CXCL13: variants seen among roughly 807,000 people sequenced by gnomAD.
CXCL13 encodes the protein C-X-C motif chemokine 13.
Under a neutral mutation model 12.2 loss-of-function variants are expected in CXCL13, and 7 were observed. The ratio of observed to expected loss-of-function variants is 0.57; its 90% CI spans 0.33 to 1.07. CXCL13 has a LOEUF of 1.07. Ranked by LOEUF, CXCL13 falls within the 50% of genes least tolerant of loss-of-function variation. CXCL13 has a pLI of 0.04. For missense variants in CXCL13, 113 were observed against 127.4 expected, an observed-to-expected ratio of 0.89 and a Z score of 0.55; for synonymous variants, 47 against 42.4, an observed-to-expected ratio of 1.11 and a Z score of -0.42.
intron 1 of CXCL13, among the ~76,000 whole-genome samples, chr4:77,528,922 T>C (rs1724838162): frequency 6.6e-6 from 1 of 152,244 alleles, no homozygotes; most frequent in Non-Finnish European, 1.5e-5. Context: ...GTCTAACATT[T>C]AAGTCTTTAA....
intron 1 of CXCL13, among the ~76,000 whole-genome samples, chr4:77,589,152 C>A (rs1314655646): frequency 5.3e-5 from 8 of 152,214 alleles, no homozygotes; most frequent in Non-Finnish European, 1.0e-4. Flanking sequence ...TCGCATTCCG[C>A]AGTTTGTTAT....
intron 1 of CXCL13, among the ~76,000 whole-genome samples, chr4:77,523,308 C>A (rs1214086458): frequency 1.3e-5 from 2 of 152,144 alleles, no homozygotes; most frequent in East Asian, 3.8e-4. Flanking sequence ...GAGTGTTTTC[C>A]AACTTGGTTC....
At chr4:77,594,517 CT>C (rs1169956402) in intron 1 of CXCL13, among the ~76,000 whole-genome samples, 2 of 151,952 alleles carry the variant, frequency 1.3e-5, no homozygotes, top group Non-Finnish European at 2.9e-5. Flanking sequence ...ATCAACATAG[CT>C]CAAAAGCTTC....
chr4:77,555,941 A>G (rs932648341), intron 1 of CXCL13, among the ~76,000 whole-genome samples: 1 of 152,222 alleles, frequency 6.6e-6, no homozygotes, highest in African/African-American at 2.4e-5. Context: ...TAAAAATAAA[A>G]CCAAATAACT....
chr4:77,547,739 A>T (rs355670), intron 1 of CXCL13, among the ~76,000 whole-genome samples: 1 of 152,176 alleles, frequency 6.6e-6, no homozygotes, highest in Non-Finnish European at 1.5e-5. Context: ...TACATTTAAG[A>T]TTAATATTAT....
intron 1 of CXCL13, among the ~76,000 whole-genome samples, chr4:77,513,914 C>A (rs1458908147): frequency 2.0e-5 from 3 of 151,798 alleles, no homozygotes; most frequent in Non-Finnish European, 4.4e-5. Flanking sequence ...ACTAACTCGT[C>A]ATCTAGCATT....
At chr4:77,529,113 G>T (rs559996592) in intron 1 of CXCL13, among the ~76,000 whole-genome samples, 1 of 152,184 alleles carries the variant, frequency 6.6e-6, no homozygotes, top group East Asian at 1.9e-4. Context: ...ATTTCTGAGG[G>T]CTCTGTTCTA....
chr4:77,532,200 A>G (rs1423076425), intron 1 of CXCL13, among the ~76,000 whole-genome samples: 1 of 152,006 alleles, frequency 6.6e-6, no homozygotes, highest in Non-Finnish European at 1.5e-5. Context: ...GTTCCTTTCC[A>G]TGTTTAGTGC....
At chr4:77,512,302 G>C (rs1336134605) in intron 1 of CXCL13, among the ~76,000 whole-genome samples, 1 of 152,134 alleles carries the variant, frequency 6.6e-6, no homozygotes, top group Non-Finnish European at 1.5e-5. Context: ...TAGAAGTCAG[G>C]AAATGCAGAG....
upstream of CXCL13, among the ~76,000 whole-genome samples, chr4:77,604,107 G>C (rs1726949920): frequency 6.6e-6 from 1 of 152,194 alleles, no homozygotes; most frequent in Non-Finnish European, 1.5e-5. Flanking sequence ...TTAGCTGACA[G>C]CCTCTACTGA....
intron 1 of CXCL13, among the ~76,000 whole-genome samples, chr4:77,556,530 G>A (rs1725663821): frequency 6.6e-6 from 1 of 152,028 alleles, no homozygotes; most frequent in Non-Finnish European, 1.5e-5. Context: ...GGTGGTAGGT[G>A]CACAAATGTA....
intron 2 of CXCL13, among the ~76,000 whole-genome samples, chr4:77,608,569 C>G (rs1444238643): frequency 6.6e-6 from 1 of 152,208 alleles, no homozygotes; most frequent in South Asian, 2.1e-4. Flanking sequence ...GCATCCCTGA[C>G]TTGGCATTCA....
chr4:77,521,235 T>C (rs1000065124), intron 1 of CXCL13, among the ~76,000 whole-genome samples: 5 of 152,232 alleles, frequency 3.3e-5, no homozygotes, highest in African/African-American at 1.2e-4. Flanking sequence ...GCCTCATAAA[T>C]GAGTTAGGGA....
At chr4:77,560,445 T>C (rs906847742) in intron 1 of CXCL13, among the ~76,000 whole-genome samples, 2 of 152,238 alleles carry the variant, frequency 1.3e-5, no homozygotes, top group African/African-American at 4.8e-5. Context: ...CCCTGCAGCA[T>C]ACATTCCTAA....
chr4:77,583,773 T>TAGAA (rs1726390961), intron 1 of CXCL13, among the ~76,000 whole-genome samples: 1 of 152,228 alleles, frequency 6.6e-6, no homozygotes, highest in Non-Finnish European at 1.5e-5. Context: ...AGGTCCTTTC[T>TAGAA]AGGCCGTTAT....
chr4:77,560,932 C>T lies in CXCL13; in HGVS notation c.-42-44892C>T, dbSNP rs368005279. ...CATGATGCTGAAATCCTTATCTATC[C>T]TATATATTTGTCACTCTGCACTTCC... On this transcript the variant is annotated intron_variant, in intron 1 of 4. Coordinates refer to the CXCL13 transcript ENST00000286758. 5.1e-4 allele frequency among the ~76,000 whole-genome samples: 77 copies of T among 152,040 alleles called. 1 individual carries two copies. The South Asian group carries it at 8.4e-3, about 17-fold the overall frequency.
chr4:77,518,854 GA>G (rs1560512749), intron 1 of CXCL13, among the ~76,000 whole-genome samples: 1 of 152,220 alleles, frequency 6.6e-6, no homozygotes, highest in African/African-American at 2.4e-5. Flanking sequence ...ATCCTTTGGA[GA>G]AGGAGAGGTG....
chr4:77,569,549 C>T (rs920800189), intron 1 of CXCL13, among the ~76,000 whole-genome samples: 1 of 152,072 alleles, frequency 6.6e-6, no homozygotes, highest in African/African-American at 2.4e-5. Flanking sequence ...CACACAGTAC[C>T]TAGGAATACA....
intron 1 of CXCL13, among the ~76,000 whole-genome samples, chr4:77,562,521 T>C (rs1438737073): frequency 1.3e-5 from 2 of 152,122 alleles, no homozygotes; most frequent in Non-Finnish European, 2.9e-5. Context: ...ATTCTGTATC[T>C]GGCTAATCTG....
Sources: gnomAD v4.1 joint callset for allele counts (sites outside exome capture counted in the v4.1 genomes callset) on GRCh38, gnomAD v4.1.1 for gene constraint, MANE v1.5 for transcripts, NCBI Gene and HGNC (gene_info 2026-07-23, HGNC 2026-07-21) for gene names.